The following RELN variants were observed in gnomAD, a reference collection of about 807,000 sequenced individuals.
The protein encoded by RELN is reelin.
A neutral mutation model predicts 427.6 loss-of-function variants in RELN; 108 were observed. The observed-to-expected ratio is 0.25, with a 90% CI of 0.22 to 0.30. The LOEUF (loss-of-function observed/expected upper bound fraction) is 0.30. RELN is among the 10% of genes least tolerant of loss of function. The pLI is 1.00. For synonymous variants in RELN, 1,524 were observed against 1,513.4 expected (o/e 1.01, Z -0.16); for missense variants, 3,715 against 4,302.8 (o/e 0.86, Z 3.82).
At chr7:103,729,833 A>G (rs2115944141) in intron 6 of RELN, among the ~76,000 whole-genome samples, 1 of 152,270 alleles carries the variant, frequency 6.6e-6, no homozygotes, top group East Asian at 1.9e-4. Flanking sequence ...AGTAGGCATG[A>G]TATAAGTGTT....
chr7:103,799,560 C>T (rs1410432957), intron 3 of RELN, among the ~76,000 whole-genome samples: 1 of 152,148 alleles, frequency 6.6e-6, no homozygotes, highest in East Asian at 1.9e-4. Flanking sequence ...ATCCTCTTTC[C>T]TGGCCAATTC....
intron 1 of RELN, among the ~76,000 whole-genome samples, chr7:103,947,030 G>A (rs1796233668): frequency 6.6e-6 from 1 of 152,094 alleles, no homozygotes; most frequent in Non-Finnish European, 1.5e-5. Flanking sequence ...GAAATAATAG[G>A]ATAATATCCC....
intron 40 of RELN, among the ~76,000 whole-genome samples, chr7:103,552,501 C>CTTTTT (rs35546410): frequency 8.4e-6 from 1 of 119,354 alleles, no homozygotes; most frequent in Admixed American, 9.0e-5. Flanking sequence ...TTCCTGAATT[C>CTTTTT]TTTTTTTTTT....
chr7:103,584,898 T>C (rs1831233821), intron 28 of RELN, among the ~76,000 whole-genome samples: 1 of 152,022 alleles, frequency 6.6e-6, no homozygotes, highest in Non-Finnish European at 1.5e-5. Flanking sequence ...TAGATATCAA[T>C]ACCAAGAGGA....
At chr7:103,675,093 A>C (rs1019320026) in intron 11 of RELN, among the ~76,000 whole-genome samples, 1 of 152,188 alleles carries the variant, frequency 6.6e-6, no homozygotes, top group Admixed American at 6.5e-5. Context: ...GCTGAAGTCA[A>C]ATTGTCTCTG....
rs1450535644 is a variant in RELN, at chr7:103,620,208, C to T, written c.2703-8405G>A. On this transcript the variant is annotated intron_variant, in intron 20 of 64. Coordinates refer to ENST00000428762, the MANE Select transcript of RELN (RefSeq NM_005045.4). The surrounding 1 kb of genome is among the most constrained non-coding windows in gnomAD (Gnocchi z 4.1). The stretch of plus-strand genomic sequence containing the variant: ...CTTGACTCTCATTTTGTCTCATCTG[C>T]TGCCATGTAAGACGTGCCTTTTGCC... Among the ~76,000 whole-genome samples the T allele has an allele frequency of 6.6e-6, 1 of 152,170 alleles. No individual in the cohort carries two copies. Among genetic ancestry groups the T allele is most frequent in the Non-Finnish European group, 1.5e-5 (1 of 68,034 alleles).
At chr7:103,911,803 A>G (rs1418797292) in intron 2 of RELN, among the ~76,000 whole-genome samples, 2 of 128,170 alleles carry the variant, frequency 1.6e-5, no homozygotes, top group African/African-American at 5.9e-5. Flanking sequence ...GAATTGAACA[A>G]TGAGATCACA....
At chr7:103,774,177 A>G (rs1791677568) in intron 4 of RELN, among the ~76,000 whole-genome samples, 1 of 151,950 alleles carries the variant, frequency 6.6e-6, no homozygotes, top group African/African-American at 2.4e-5. Flanking sequence ...CACACCTGTA[A>G]TCCCAGCTAC....
chr7:103,836,251 C>T lies in RELN; in HGVS notation c.338-2579G>A, dbSNP rs117177644. ...CCAGGTTTACAGGCGTCAGCCACCG[C>T]ACCCGGCCTACCTCATATTGTTTGT... On this transcript the variant is annotated intron_variant, in intron 2 of 64. Coordinates refer to ENST00000428762, the MANE Select transcript of RELN (RefSeq NM_005045.4). Among the ~76,000 whole-genome samples the T allele has an allele frequency of 1.8e-4, 28 of 152,314 alleles. No homozygotes were observed. In the East Asian group the frequency reaches 5.4e-3, roughly 29 times the overall value.
chr7:103,911,977 A>T (rs1795377562), intron 2 of RELN, among the ~76,000 whole-genome samples: 1 of 151,754 alleles, frequency 6.6e-6, no homozygotes, highest in Admixed American at 6.6e-5. Context: ...CACAATGTGC[A>T]CATGTACCCT....
intron 63 of RELN, chr7:103,482,232 C>G (rs140459844): frequency 6.5e-6 from 1 of 153,556 alleles, no homozygotes; most frequent in African/African-American, 2.4e-5. Flanking sequence ...GCCATCAGTC[C>G]GAACCCGTCG....
At chr7:103,831,581 G>T (rs1793275031) in intron 3 of RELN, among the ~76,000 whole-genome samples, 1 of 152,098 alleles carries the variant, frequency 6.6e-6, no homozygotes, top group South Asian at 2.1e-4. Flanking sequence ...ATTTAAAACA[G>T]GTCTTGAATA....
chr7:103,887,960 G>A (rs1019575445), intron 2 of RELN, among the ~76,000 whole-genome samples: 3 of 152,106 alleles, frequency 2.0e-5, no homozygotes, highest in Non-Finnish European at 4.4e-5. Context: ...GAGTTCCAGG[G>A]AAAACCCTTG....
At chr7:103,898,887 G>A (rs529292574) in intron 2 of RELN, among the ~76,000 whole-genome samples, 20 of 151,952 alleles carry the variant, frequency 1.3e-4, no homozygotes, top group Non-Finnish European at 2.5e-4. Flanking sequence ...CAGAAAATTA[G>A]AAAGTAGAGA....
At chr7:103,677,626 C>T (rs1353172285) in intron 11 of RELN, among the ~76,000 whole-genome samples, 2 of 150,122 alleles carry the variant, frequency 1.3e-5, no homozygotes, top group Non-Finnish European at 3.0e-5. Context: ...ATTAGCTGGG[C>T]GTGGCGGTAC....
At chr7:103,662,343 C>T (rs1178192105) in intron 11 of RELN, among the ~76,000 whole-genome samples, 1 of 152,122 alleles carries the variant, frequency 6.6e-6, no homozygotes, top group South Asian at 2.1e-4. Context: ...GAATGACCAG[C>T]AGGCATGGTG....
At position 103,640,934 on chromosome 7, in the gene RELN, T is replaced by C. The variant is rs1475226401; in HGVS notation, c.2003-325A>G. Among the ~76,000 whole-genome samples, 1 of 152,110 alleles carries C rather than the reference T, an allele frequency of 6.6e-6. No individual in the cohort carries two copies. The highest frequency in any genetic ancestry group is 1.5e-5 in the Non-Finnish European group (1 of 68,012). ...TTCTACAAAGTTTATTTTCATTAGG[T>C]AGAAAAAAAATATTTAAAAAGGACC... is the stretch of plus-strand genomic sequence containing the variant. On this transcript the variant is annotated intron_variant, in intron 16 of 64. Coordinates refer to ENST00000428762, the MANE Select transcript of RELN (RefSeq NM_005045.4). The surrounding 1 kb of genome is among the most constrained non-coding windows in gnomAD (Gnocchi z 4.1).
At chr7:103,500,982 T>C in intron 52 of RELN, 60 bp from the exon 53 acceptor site, 2 of 1,449,694 alleles carry the variant, frequency 1.4e-6, no homozygotes, top group East Asian at 2.3e-5. Flanking sequence ...TTAGGTCCAT[T>C]GTCCTGCATG....
chr7:103,793,911 TGCACACCC>T (rs1334367485), intron 3 of RELN, among the ~76,000 whole-genome samples: 6 of 151,968 alleles, frequency 3.9e-5, no homozygotes, highest in Non-Finnish European at 7.4e-5. Flanking sequence ...GAACTACAGG[TGCACACCC>T]ATACGCCCGG....
Sources: allele counts gnomAD v4.1 joint callset (sites outside exome capture counted in the v4.1 genomes callset), GRCh38; gene constraint gnomAD v4.1.1; non-coding constraint Gnocchi (gnomAD v3.1); transcripts MANE v1.5; gene names NCBI Gene and HGNC (gene_info 2026-07-23, HGNC 2026-07-21).